Variants in NTM observed in about 807,000 individuals in gnomAD.
The protein encoded by NTM is IgLON family member 2.
Under a neutral mutation model 42.1 loss-of-function variants are expected in NTM, and 13 were observed. The observed-to-expected ratio is 0.31, with a 90% CI of 0.20 to 0.49. The LOEUF (loss-of-function observed/expected upper bound fraction) is 0.49. Among genes scored for constraint, NTM ranks in the 20% least tolerant of loss-of-function variants. NTM has a pLI of 0.99. For synonymous variants in NTM, 187 were observed against 179.2 expected (o/e 1.04, Z -0.35); for missense variants, 373 against 452.8 (o/e 0.82, Z 1.60).
At chr11:131,878,569 C>CAAA (rs71475777) in intron 1 of NTM, among the ~76,000 whole-genome samples, 3 of 5,862 alleles carry the variant, frequency 5.1e-4, no homozygotes, top group African/African-American at 9.7e-4. Flanking sequence ...GACTCCATCT[C>CAAA]AAAAAAAAAA....
intron 2 of NTM, among the ~76,000 whole-genome samples, chr11:132,124,617 G>A (rs1269183208): frequency 6.6e-6 from 1 of 152,228 alleles, no homozygotes; most frequent in Non-Finnish European, 1.5e-5. Flanking sequence ...GTACGTGTGT[G>A]TGTGTGCGCG....
chr11:132,095,767 GAC>G (rs773714557), intron 2 of NTM, among the ~76,000 whole-genome samples: 2 of 152,184 alleles, frequency 1.3e-5, no homozygotes, highest in Non-Finnish European at 2.9e-5. Context: ...GATCCTAGAA[GAC>G]ACGTATTAGA....
intron 1 of NTM, among the ~76,000 whole-genome samples, chr11:131,381,975 G>A (rs995387350): frequency 6.6e-6 from 1 of 152,176 alleles, no homozygotes; most frequent in Non-Finnish European, 1.5e-5. Flanking sequence ...GATAAACTAT[G>A]TGAGAAAGCA....
intron 1 of NTM, among the ~76,000 whole-genome samples, chr11:131,781,134 C>A (rs1344704038): frequency 6.6e-6 from 1 of 151,742 alleles, no homozygotes. Context: ...TAAAAGAGAG[C>A]TCTATTATAT....
At position 131,911,662 on chromosome 11, in the gene NTM, A is replaced by G. The variant is rs1244174944; in HGVS notation, c.167+14A>G. 6.2e-7 allele frequency: 1 copy of G among 1,613,728 alleles called. No homozygotes were observed. Among genetic ancestry groups the G allele is most frequent in the South Asian group, 1.1e-5 (1 of 91,074 alleles). On this transcript the variant is annotated intron_variant, in intron 2 of 8. Coordinates refer to ENST00000683400, the MANE Select transcript of NTM (RefSeq NM_001352005.2). ...CGCCACCCTCAGGTAGGGAGCTGAC[A>G]TTGTTCTGCGAACTGATGGTTTGTA... is the stretch of plus-strand genomic sequence containing the variant.
chr11:132,272,114 A>G (rs2093507890), intron 4 of NTM, among the ~76,000 whole-genome samples: 1 of 152,064 alleles, frequency 6.6e-6, no homozygotes, highest in Non-Finnish European at 1.5e-5. Flanking sequence ...CCCCAGCATC[A>G]TTTGTTGAAA....
chr11:131,962,467 G>T (rs2062315092), intron 2 of NTM, among the ~76,000 whole-genome samples: 1 of 152,094 alleles, frequency 6.6e-6, no homozygotes, highest in African/African-American at 2.4e-5. Context: ...TATACGAAGA[G>T]ACACAAGAGA....
intron 1 of NTM, among the ~76,000 whole-genome samples, chr11:131,783,036 T>G (rs771978407): frequency 1.3e-5 from 2 of 152,076 alleles, no homozygotes; most frequent in Admixed American, 6.5e-5. Flanking sequence ...AGAAAAGTGT[T>G]AAATTCTCTG....
At chr11:131,371,223 C>A in intron 1 of NTM, 1 of 475,918 alleles carries the variant, frequency 2.1e-6, no homozygotes, top group Non-Finnish European at 2.7e-6. Flanking sequence ...GGGGAAATGA[C>A]AGATTCGGAG....
intron 1 of NTM, among the ~76,000 whole-genome samples, chr11:131,512,816 G>C (rs149901943): frequency 0.014 from 2,135 of 152,228 alleles, 19 homozygotes; most frequent in Non-Finnish European, 0.021. Flanking sequence ...CAGACCCCCA[G>C]ACACCTGTGT....
chr11:131,770,143 G>T (rs1340248775), intron 1 of NTM, among the ~76,000 whole-genome samples: 1 of 152,206 alleles, frequency 6.6e-6, no homozygotes, highest in Non-Finnish European at 1.5e-5. Context: ...TGTTTTGTGT[G>T]CTCATTTGTT....
chr11:132,324,453 T>C (rs1442644956), intron 7 of NTM, among the ~76,000 whole-genome samples: 1 of 150,708 alleles, frequency 6.6e-6, no homozygotes, highest in Non-Finnish European at 1.5e-5. Flanking sequence ...TACCTAGGAA[T>C]CCAACTTACA....
intron 1 of NTM, among the ~76,000 whole-genome samples, chr11:131,680,116 C>T (rs753245374): frequency 2.4e-4 from 37 of 152,190 alleles, no homozygotes; most frequent in Non-Finnish European, 3.1e-4. Flanking sequence ...CAGACAAAGA[C>T]AGTCCAGGAG....
intron 1 of NTM, among the ~76,000 whole-genome samples, chr11:131,555,979 G>T (rs969537913): frequency 1.3e-5 from 2 of 152,194 alleles, no homozygotes; most frequent in Admixed American, 1.3e-4. Flanking sequence ...CCGAGAGGAA[G>T]TTAACCCATC....
chr11:131,449,845 C>T lies in NTM; in HGVS notation c.82+78957C>T, dbSNP rs185197683. ...TGTCCCTACGAACAGGCTCCACTGT[C>T]AACCCACTCTGCTTGCCAGATGAAA... is the stretch of plus-strand genomic sequence containing the variant. On this transcript the variant is annotated intron_variant, in intron 1 of 8. Coordinates refer to ENST00000683400, the MANE Select transcript of NTM (RefSeq NM_001352005.2). Among the ~76,000 whole-genome samples, 9 of 152,290 alleles carry T rather than the reference C, an allele frequency of 5.9e-5. No homozygotes were observed. The East Asian group carries it at 1.6e-3, about 26-fold the overall frequency.
chr11:132,150,774 T>G (rs1404336696), intron 3 of NTM, among the ~76,000 whole-genome samples: 1 of 151,936 alleles, frequency 6.6e-6, no homozygotes, highest in Admixed American at 6.5e-5. Context: ...AGCATGGGGG[T>G]GATGACTCCA....
In NTM at chr11:131,968,232, C is replaced by A. The variant is rs538836665; in HGVS notation, c.167+56584C>A. ...TAAGACGTAAGCAGGCTGTGACTTG[C>A]TCATGTCAGAGAGAAACAGAACCAA... is the stretch of plus-strand genomic sequence containing the variant. On this transcript the variant is annotated intron_variant, in intron 2 of 8. Coordinates refer to ENST00000683400, the MANE Select transcript of NTM (RefSeq NM_001352005.2). Among the ~76,000 whole-genome samples, 6 of 152,272 alleles carry A rather than the reference C, an allele frequency of 3.9e-5. No individual in the cohort carries two copies. The South Asian group carries it at 1.0e-3, about 26-fold the overall frequency.
At chr11:131,691,984 G>A (rs898040356) in intron 1 of NTM, among the ~76,000 whole-genome samples, 1 of 152,202 alleles carries the variant, frequency 6.6e-6, no homozygotes, top group African/African-American at 2.4e-5. Context: ...ATGGGACTGC[G>A]GGCAGGCGTG....
chr11:131,858,285 T>C (rs1004631540), intron 1 of NTM, among the ~76,000 whole-genome samples: 4 of 152,084 alleles, frequency 2.6e-5, no homozygotes, highest in African/African-American at 9.7e-5. Flanking sequence ...AGCAAGTTGA[T>C]TCTCTCCCTC....
Sources: allele counts gnomAD v4.1 joint callset (sites outside exome capture counted in the v4.1 genomes callset), GRCh38; gene constraint gnomAD v4.1.1; transcripts MANE v1.5; gene names NCBI Gene and HGNC (gene_info 2026-07-23, HGNC 2026-07-21).